Variants in ERGIC2 observed in about 807,000 individuals in gnomAD.
The protein encoded by ERGIC2 is ERGIC and golgi 2.
A neutral mutation model predicts 52.5 loss-of-function variants in ERGIC2; 31 were observed. That is an observed-to-expected ratio of 0.59 (90% CI 0.44 to 0.80). The LOEUF (loss-of-function observed/expected upper bound fraction) is 0.80, where lower values mean the gene tolerates loss of function less well. ERGIC2 is among the 30% of genes least tolerant of loss of function. ERGIC2 has a pLI of 0.00. For synonymous variants in ERGIC2, 129 were observed against 140.6 expected, an observed-to-expected ratio of 0.92 and a Z score of 0.58; for missense variants, 395 against 455.2, an observed-to-expected ratio of 0.87 and a Z score of 1.20.
chr12:29,337,359 A>G lies in ERGIC2; in HGVS notation c.*3797T>C, dbSNP rs1262502592. ...TTAAAAAGACAAAAAAAGTTTCATA[A>G]TTTGTCATTTATTGAGTCCAAATGT... On this transcript the variant is annotated 3_prime_UTR_variant, in exon 14 of 14. Transcript: ENST00000360150. 5 of 151,950 alleles carry G rather than the reference A, an allele frequency of 3.3e-5. No individual in the cohort carries two copies. The highest frequency in any genetic ancestry group is 3.3e-4 in the Admixed American group (5 of 15,240). 9.4% of individuals were successfully genotyped at this position (151,950 alleles called of 1,614,324 possible). A position where few individuals can be genotyped will look rare whatever the true frequency, so the allele number is the denominator to read the frequency against.
At chr12:29,371,163 A>G (rs1483966173) in intron 2 of ERGIC2, among the ~76,000 whole-genome samples, 1 of 152,108 alleles carries the variant, frequency 6.6e-6, no homozygotes, top group Non-Finnish European at 1.5e-5. Flanking sequence ...TATTAATAGT[A>G]TAGTAACCCC....
intron 8 of ERGIC2, among the ~76,000 whole-genome samples, chr12:29,352,870 C>A (rs1485166853): frequency 6.6e-6 from 1 of 152,080 alleles, no homozygotes; most frequent in Non-Finnish European, 1.5e-5. Flanking sequence ...TAAGTACTAT[C>A]CTTCCCTGTT....
At position 29,347,313 on chromosome 12, in the gene ERGIC2, G is replaced by C. The variant is rs142607513; in HGVS notation, c.727+1766C>G. On this transcript the variant is annotated intron_variant, in intron 10 of 13. Coordinates refer to ENST00000360150, the MANE Select transcript of ERGIC2 (RefSeq NM_016570.3). ...TCCCTGCCATTTGAGAAGTCAGCAG[G>C]GTAGGAGGAGTATGGAGTTAGGTTG... 8.2e-4 allele frequency among the ~76,000 whole-genome samples: 125 copies of C among 152,334 alleles called. 1 individual carries two copies. The highest frequency in any genetic ancestry group is 2.7e-3 in the African/African-American group (112 of 41,582).
Position 29,370,118 on chromosome 12 carries a change from A to C in ERGIC2, c.211T>G (p.Ser71Ala), listed in dbSNP as rs759109647. The C allele has an allele frequency of 6.6e-7, 1 of 1,506,552 alleles. No individual in the cohort carries two copies. The highest frequency in any genetic ancestry group is 8.8e-7 in the Non-Finnish European group (1 of 1,139,302). The allele number at this position is 1,506,552 out of a possible 1,614,324, so 93.3% of individuals were successfully genotyped here. A position where few individuals can be genotyped will look rare whatever the true frequency, so the allele number is the denominator to read the frequency against. The change falls in exon 3 of 14, where the codon TCT (serine) becomes GCT (alanine). Residue 71 changes from serine (S) to alanine (A), a missense_variant. Ser to Ala is a moderately conservative substitution (Grantham distance 99, BLOSUM62 1). Coordinates refer to ENST00000360150, the MANE Select transcript of ERGIC2 (RefSeq NM_016570.3). ...KYEYEVDKDF[S>A]SKLRINIDIT... Reference sequence around the variant, plus strand: ...AAGAAGAAAAAAAATGATTACCTAGAAAAATCCTTGTCTACTTCGTATTCA... The same window carrying C: ...AAGAAGAAAAAAAATGATTACCTAGCAAAATCCTTGTCTACTTCGTATTCA...
At chr12:29,377,075 C>A (rs967233405) in intron 1 of ERGIC2, among the ~76,000 whole-genome samples, 3 of 152,114 alleles carry the variant, frequency 2.0e-5, no homozygotes, top group African/African-American at 7.2e-5. Context: ...ACACGGCCCG[C>A]CCCTCTCAAA....
Position 29,341,125 on chromosome 12 carries a change from C to A in ERGIC2, c.*31G>T, listed in dbSNP as rs559390626. 288 of 1,529,856 alleles carry A rather than the reference C, an allele frequency of 1.9e-4. 2 individuals carry two copies. In the East Asian group the frequency reaches 6.6e-3, roughly 35 times the overall value. The allele number at this position is 1,529,856 out of a possible 1,614,324, so 94.8% of individuals were successfully genotyped here. On this transcript the variant is annotated 3_prime_UTR_variant, in exon 14 of 14. Transcript: ENST00000360150. ...TTAAAAAAAGGTTTTATGTCTCAGG[C>A]AAAAAGTTTTTCTCCTTCAATCGGG...
rs2136848733 is a variant in ERGIC2, at chr12:29,343,412, C to G, written c.826-130G>C. Reference sequence around the variant, plus strand: ...CTGTAAAAGAAGGACATCCACATTTCCTTATGAACTGTCCTACTAGACTAA... The same window carrying G: ...CTGTAAAAGAAGGACATCCACATTTGCTTATGAACTGTCCTACTAGACTAA... On this transcript the variant is annotated intron_variant, in intron 11 of 13. Transcript: ENST00000360150. 3 of 561,530 alleles carry G rather than the reference C, an allele frequency of 5.3e-6. No individual in the cohort carries two copies. The South Asian group carries it at 1.2e-4, about 22-fold the overall frequency. 34.8% of individuals were successfully genotyped at this position (561,530 alleles called of 1,614,324 possible). A position where few individuals can be genotyped will look rare whatever the true frequency, so the allele number is the denominator to read the frequency against.
In ERGIC2 at chr12:29,339,197, TA is replaced by T. The variant is rs1451100986; in HGVS notation, c.*1958del. On this transcript the variant is annotated 3_prime_UTR_variant, in exon 14 of 14. Coordinates refer to ENST00000360150, the MANE Select transcript of ERGIC2 (RefSeq NM_016570.3). The stretch of plus-strand genomic sequence containing the variant: ...TTAAAGAAATTCCTTTCATAGGAGA[TA>T]AATTTCATTAAAATTTTAATATGGT... 11 of 152,194 alleles carry T rather than the reference TA, an allele frequency of 7.2e-5. No individual in the cohort carries two copies. Among genetic ancestry groups the T allele is most frequent in the African/African-American group, 2.7e-4 (11 of 41,446 alleles). 9.4% of individuals were successfully genotyped at this position (152,194 alleles called of 1,614,324 possible).
chr12:29,380,254 T>C (rs1018551656), intron 1 of ERGIC2, among the ~76,000 whole-genome samples: 4 of 152,188 alleles, frequency 2.6e-5, no homozygotes, highest in Non-Finnish European at 5.9e-5. Context: ...TTCTTTATAA[T>C]TGCTGTATAC....
chr12:29,366,111 G>C (rs984468133), intron 5 of ERGIC2, among the ~76,000 whole-genome samples: 5 of 151,664 alleles, frequency 3.3e-5, no homozygotes, highest in African/African-American at 1.2e-4. Context: ...TAAAAGAAAG[G>C]TTCACAATTG....
At position 29,356,365 on chromosome 12, in the gene ERGIC2, AAG is replaced by A; in HGVS notation, c.572+15_572+16del. 7.3e-7 allele frequency: 1 copy of A among 1,365,538 alleles called. No homozygotes were observed. The highest frequency in any genetic ancestry group is 1.0e-6 in the Non-Finnish European group (1 of 955,930). The allele number at this position is 1,365,538 out of a possible 1,614,324, so 84.6% of individuals were successfully genotyped here. A position where few individuals can be genotyped will look rare whatever the true frequency, so the allele number is the denominator to read the frequency against. ...CAACTTTGTCTAAAGTATTTTCAGT[AAG>A]TGAAAAGAACATACTTGCCCACTGT... is the stretch of plus-strand genomic sequence containing the variant. On this transcript the variant is annotated intron_variant, in intron 8 of 13. Transcript: ENST00000360150.
chr12:29,379,184 G>A (rs1278987090), intron 1 of ERGIC2, among the ~76,000 whole-genome samples: 3 of 152,112 alleles, frequency 2.0e-5, no homozygotes, highest in Non-Finnish European at 4.4e-5. Context: ...GACTATAGTA[G>A]CTCTCAATAA....
intron 5 of ERGIC2, among the ~76,000 whole-genome samples, chr12:29,364,893 C>T (rs1240494262): frequency 6.6e-6 from 1 of 150,576 alleles, no homozygotes; most frequent in African/African-American, 2.4e-5. Flanking sequence ...AAATCAAAAC[C>T]ACAATGAGAG....
intron 1 of ERGIC2, among the ~76,000 whole-genome samples, chr12:29,379,599 C>T (rs1050876403): frequency 3.3e-5 from 5 of 152,152 alleles, no homozygotes; most frequent in Non-Finnish European, 7.4e-5. Context: ...CAAGAGCTAA[C>T]ATGCATTGAG....
intron 1 of ERGIC2, among the ~76,000 whole-genome samples, chr12:29,376,251 C>T (rs1239669142): frequency 6.6e-6 from 1 of 152,112 alleles, no homozygotes; most frequent in Non-Finnish European, 1.5e-5. Context: ...TTTTCCCAGG[C>T]TACATAGCAG....
At chr12:29,366,341 A>G (rs989115421) in intron 5 of ERGIC2, among the ~76,000 whole-genome samples, 35 of 151,960 alleles carry the variant, frequency 2.3e-4, no homozygotes, top group Admixed American at 5.3e-4. Context: ...TCTGAAGATA[A>G]TAAGAAAATG....
intron 5 of ERGIC2, 74 bp from the exon 6 acceptor site, chr12:29,361,759 TC>T: frequency 3.1e-6 from 4 of 1,284,444 alleles, no homozygotes; most frequent in Non-Finnish European, 4.3e-6. Context: ...TAAAATTTTT[TC>T]TTTGAGCAGG....
intron 6 of ERGIC2, among the ~76,000 whole-genome samples, chr12:29,359,772 A>C (rs1195090750): frequency 6.6e-6 from 1 of 151,996 alleles, no homozygotes; most frequent in Non-Finnish European, 1.5e-5. Context: ...GGAAAAAAAA[A>C]CGGGTAAAGA....
Position 29,341,226 on chromosome 12 carries a change from GA to G in ERGIC2, c.1072-9del. The G allele has an allele frequency of 1.9e-6, 3 of 1,598,802 alleles. No individual in the cohort carries two copies. Among genetic ancestry groups the G allele is most frequent in the Non-Finnish European group, 2.6e-6 (3 of 1,170,060 alleles). ...GCCATCCTCAAAAGGAACCTAAGGA[GA>G]AAAGGAGGGAAAAAAAGACCAAAGA... On this transcript the variant is annotated splice_polypyrimidine_tract_variant and intron_variant, in intron 13 of 13. Transcript: ENST00000360150.
Sources: allele counts gnomAD v4.1 joint callset (sites outside exome capture counted in the v4.1 genomes callset), GRCh38; gene constraint gnomAD v4.1.1; transcripts MANE v1.5; gene names NCBI Gene and HGNC (gene_info 2026-07-23, HGNC 2026-07-21).